ZNF804B: variants seen among roughly 807,000 people sequenced by gnomAD.
ZNF804B encodes the protein zinc finger 804B.
ZNF804B carries 80 observed loss-of-function variants against 101.4 expected under a neutral mutation model. The observed-to-expected ratio is 0.79, with a 90% CI of 0.66 to 0.95. The LOEUF (loss-of-function observed/expected upper bound fraction) is 0.95. Ranked by LOEUF, ZNF804B falls within the 40% of genes least tolerant of loss-of-function variation. The pLI is 0.00. For missense variants in ZNF804B, 1,673 were observed against 1,561.9 expected (o/e 1.07, Z -1.20); for synonymous variants, 622 against 558.8 (o/e 1.11, Z -1.59).
intron 1 of ZNF804B, among the ~76,000 whole-genome samples, chr7:89,058,018 A>G (rs1194426029): frequency 1.3e-5 from 2 of 152,140 alleles, no homozygotes; most frequent in Non-Finnish European, 2.9e-5. Flanking sequence ...GAAACGTTCC[A>G]GAGTCTCTTG....
chr7:89,140,854 G>C (rs1790706361), intron 1 of ZNF804B, among the ~76,000 whole-genome samples: 1 of 151,940 alleles, frequency 6.6e-6, no homozygotes, highest in Non-Finnish European at 1.5e-5. Flanking sequence ...TACACTAACA[G>C]CTTGGCTAAG....
intron 1 of ZNF804B, among the ~76,000 whole-genome samples, chr7:88,967,761 A>G (rs1374139711): frequency 1.3e-5 from 2 of 151,108 alleles, no homozygotes; most frequent in Non-Finnish European, 3.0e-5. Flanking sequence ...TGAGATTATA[A>G]TTAGGAACTT....
intron 1 of ZNF804B, among the ~76,000 whole-genome samples, chr7:88,890,746 C>A (rs1331454310): frequency 2.0e-5 from 3 of 151,960 alleles, no homozygotes; most frequent in Non-Finnish European, 2.9e-5. Context: ...TCTTAATTTT[C>A]AGTTCTGTAT....
At chr7:89,198,421 G>A (rs554616146) in intron 1 of ZNF804B, among the ~76,000 whole-genome samples, 9 of 151,916 alleles carry the variant, frequency 5.9e-5, no homozygotes, top group Admixed American at 6.6e-5. Flanking sequence ...TATTAATAGC[G>A]TTTGTAAGAC....
intron 1 of ZNF804B, among the ~76,000 whole-genome samples, chr7:88,825,655 G>GACATTTT: frequency 6.6e-6 from 1 of 152,054 alleles, no homozygotes; most frequent in African/African-American, 2.4e-5. Context: ...TTCCTTGCTG[G>GACATTTT]TCCTCATTTT....
intron 2 of ZNF804B, among the ~76,000 whole-genome samples, chr7:89,277,479 TCCC>T (rs1431027419): frequency 7.1e-4 from 3 of 4,208 alleles, no homozygotes; most frequent in African/African-American, 2.6e-3. Context: ...CCCTCCCCCC[TCCC>T]CCCTCCCCCC....
chr7:88,991,510 C>T (rs1390251508), intron 1 of ZNF804B, among the ~76,000 whole-genome samples: 3 of 152,152 alleles, frequency 2.0e-5, no homozygotes, highest in Admixed American at 1.3e-4. Context: ...CCTGGCTTTG[C>T]CCCAGCAGCT....
At chr7:88,866,468 G>C (rs966428549) in intron 1 of ZNF804B, among the ~76,000 whole-genome samples, 6 of 152,222 alleles carry the variant, frequency 3.9e-5, no homozygotes, top group African/African-American at 1.4e-4. Flanking sequence ...TGCAATATGA[G>C]TAGTGTATCT....
chr7:88,871,152 C>T (rs1479761520), intron 1 of ZNF804B, among the ~76,000 whole-genome samples: 1 of 151,990 alleles, frequency 6.6e-6, no homozygotes, highest in East Asian at 1.9e-4. Context: ...TTGTCTCCTG[C>T]AAATAGGTGA....
intron 1 of ZNF804B, among the ~76,000 whole-genome samples, chr7:88,793,525 T>C (rs561603930): frequency 3.3e-5 from 5 of 152,268 alleles, no homozygotes; most frequent in African/African-American, 1.2e-4. Flanking sequence ...TCTGTAGCTT[T>C]ATAATGGTCT....
intron 1 of ZNF804B, among the ~76,000 whole-genome samples, chr7:88,853,681 G>A (rs1430741632): frequency 1.3e-5 from 2 of 151,954 alleles, no homozygotes; most frequent in African/African-American, 2.4e-5. Context: ...GTATAAATGT[G>A]TATATATATT....
At chr7:89,194,277 G>C (rs1421130521) in intron 1 of ZNF804B, among the ~76,000 whole-genome samples, 1 of 152,144 alleles carries the variant, frequency 6.6e-6, no homozygotes. Context: ...TGTTCACTCT[G>C]ATGGTATTTC....
Position 88,967,316 on chromosome 7 carries a change from A to C in ZNF804B, c.108+207232A>C, listed in dbSNP as rs1793470148. Among the ~76,000 whole-genome samples the C allele has an allele frequency of 3.3e-5, 5 of 151,580 alleles. No individual in the cohort carries two copies. In the South Asian group the frequency reaches 1.0e-3, roughly 31 times the overall value. On this transcript the variant is annotated intron_variant, in intron 1 of 3. Transcript: ENST00000333190. ...CTTCACATGCTGGCAGGAGTGAGAGAGCAAAGGGGGAAGTGCTACACACTT... is the reference window on the plus strand; with the variant it reads ...CTTCACATGCTGGCAGGAGTGAGAGCGCAAAGGGGGAAGTGCTACACACTT...
chr7:88,872,787 A>G (rs1302324506), intron 1 of ZNF804B, among the ~76,000 whole-genome samples: 1 of 150,034 alleles, frequency 6.7e-6, no homozygotes, highest in Non-Finnish European at 1.5e-5. Context: ...TGTCCCTACA[A>G]AGGACATGAA....
chr7:88,866,327 G>A (rs1412021052), intron 1 of ZNF804B, among the ~76,000 whole-genome samples: 1 of 152,088 alleles, frequency 6.6e-6, no homozygotes, highest in Non-Finnish European at 1.5e-5. Context: ...CCATCAAGAG[G>A]TTGTGTTTAT....
chr7:89,020,693 T>A (rs1788652854), intron 1 of ZNF804B, among the ~76,000 whole-genome samples: 2 of 152,184 alleles, frequency 1.3e-5, no homozygotes, highest in African/African-American at 2.4e-5. Flanking sequence ...ATTCCCATAA[T>A]GTGCATATTT....
intron 1 of ZNF804B, among the ~76,000 whole-genome samples, chr7:89,170,802 C>G (rs562735386): frequency 6.6e-6 from 1 of 152,334 alleles, no homozygotes; most frequent in Non-Finnish European, 1.5e-5. Context: ...GGTGCCACCA[C>G]CAGCAGCACA....
intron 1 of ZNF804B, among the ~76,000 whole-genome samples, chr7:88,791,999 A>T (rs1417918956): frequency 6.6e-6 from 1 of 152,012 alleles, no homozygotes; most frequent in Non-Finnish European, 1.5e-5. Context: ...TGTCTAGTGG[A>T]TGATAGGGGC....
At chr7:89,211,030 C>G (rs1788794223) in intron 1 of ZNF804B, among the ~76,000 whole-genome samples, 1 of 152,168 alleles carries the variant, frequency 6.6e-6, no homozygotes, top group African/African-American at 2.4e-5. Context: ...TTAAGCATCT[C>G]CATTCTGACT....
Sources: allele counts gnomAD v4.1 joint callset (sites outside exome capture counted in the v4.1 genomes callset), GRCh38; gene constraint gnomAD v4.1.1; transcripts MANE v1.5; gene names NCBI Gene and HGNC (gene_info 2026-07-23, HGNC 2026-07-21).